The following EBF3 variants were observed in gnomAD, a reference collection of about 807,000 sequenced individuals.
The protein encoded by EBF3 is EBF transcription factor 3.
EBF3 carries 18 observed loss-of-function variants against 77.1 expected under a neutral mutation model. That is an observed-to-expected ratio of 0.23 (90% confidence interval 0.16 to 0.35). The LOEUF (loss-of-function observed/expected upper bound fraction) is 0.35. Ranked by LOEUF, EBF3 falls within the 10% of genes least tolerant of loss-of-function variation. The pLI is 1.00. For synonymous variants in EBF3, 350 were observed against 343.5 expected (o/e 1.02, Z -0.21); for missense variants, 558 against 860.0 (o/e 0.65, Z 4.39).
Position 129,942,875 on chromosome 10 carries a change from T to A in EBF3, c.554+14383A>T, listed in dbSNP as rs561519163. Among the ~76,000 whole-genome samples the A allele has an allele frequency of 9.8e-5, 15 of 152,324 alleles. No homozygotes were observed. The South Asian group carries it at 3.1e-3, about 32-fold the overall frequency. On this transcript the variant is annotated intron_variant, in intron 6 of 16. Coordinates refer to ENST00000440978, the MANE Select transcript of EBF3 (RefSeq NM_001375380.1). ...GGGTGGGAGGGACAGAAATTTTCTG[T>A]GCAGAACGCTCAGGTACAGGCGTTT...
At chr10:129,916,643 A>G (rs1855901673) in intron 6 of EBF3, among the ~76,000 whole-genome samples, 1 of 152,230 alleles carries the variant, frequency 6.6e-6, no homozygotes, top group South Asian at 2.1e-4. Context: ...CAGCAGGGCC[A>G]GCGAGAGGCT....
intron 10 of EBF3, among the ~76,000 whole-genome samples, chr10:129,865,552 G>A (rs116623161): frequency 5.1e-4 from 77 of 152,294 alleles, no homozygotes; most frequent in African/African-American, 1.8e-3. Context: ...TGTGGGGCAG[G>A]CACTGCCTCT....
chr10:129,918,814 T>C (rs182628943), intron 6 of EBF3, among the ~76,000 whole-genome samples: 11 of 152,356 alleles, frequency 7.2e-5, no homozygotes, highest in African/African-American at 2.6e-4. Flanking sequence ...GACTCTTGGT[T>C]TACTCATAGT....
At position 129,842,781 on chromosome 10, in the gene EBF3, A is replaced by G. The variant is rs1850175731; in HGVS notation, c.1194+356T>C. 6.7e-6 allele frequency among the ~76,000 whole-genome samples: 1 copy of G among 148,730 alleles called. No homozygotes were observed. Among genetic ancestry groups the G allele is most frequent in the South Asian group, 2.2e-4 (1 of 4,648 alleles). On this transcript the variant is annotated intron_variant, in intron 12 of 16. Coordinates refer to ENST00000440978, the MANE Select transcript of EBF3 (RefSeq NM_001375380.1). This position sits in a 1 kb window ranked among gnomAD's most constrained non-coding sequence, Gnocchi z 4.4. ...CCTGTCTAAAAAAAAAAAAAAAAAA[A>G]GGGAGCAACATTTGCTGTGTTCTGT...
intron 6 of EBF3, among the ~76,000 whole-genome samples, chr10:129,911,396 A>T (rs772272495): frequency 1.3e-5 from 2 of 151,920 alleles, no homozygotes; most frequent in Non-Finnish European, 2.9e-5. Flanking sequence ...TTCTCTCTAG[A>T]CCCTGTCCTG....
At position 129,963,215 on chromosome 10, in the gene EBF3, C is replaced by T; in HGVS notation, c.291+152G>A. On this transcript the variant is annotated intron_variant, in intron 2 of 16. Coordinates refer to ENST00000440978, the MANE Select transcript of EBF3 (RefSeq NM_001375380.1). The surrounding 1 kb of genome is among the most constrained non-coding windows in gnomAD (Gnocchi z 7.1). ...GGGCGCAGAGAAGTTGCCCAGCCCT[C>T]GGCGGTCCCGGGCGGCCGCACGTGG... The T allele has an allele frequency of 1.6e-6, 2 of 1,230,782 alleles. No individual in the cohort carries two copies. Among genetic ancestry groups the T allele is most frequent in the Non-Finnish European group, 2.2e-6 (2 of 927,772 alleles). 76.2% of individuals were successfully genotyped at this position (1,230,782 alleles called of 1,614,324 possible). A position where few individuals can be genotyped will look rare whatever the true frequency, so the allele number is the denominator to read the frequency against.
chr10:129,867,277 C>G lies in EBF3; in HGVS notation c.913-10G>C, dbSNP rs1852088696. 6.2e-7 allele frequency: 1 copy of G among 1,613,936 alleles called. No homozygotes were observed. The highest frequency in any genetic ancestry group is 2.2e-5 in the East Asian group (1 of 44,860). ...CATGGGGAGTTATCAGCTACAAAAA[C>G]CACACGGTGAACAGGCGCTCAGCGG... On this transcript the variant is annotated splice_polypyrimidine_tract_variant and intron_variant, in intron 9 of 16. Coordinates refer to ENST00000440978, the MANE Select transcript of EBF3 (RefSeq NM_001375380.1).
In EBF3 at chr10:129,904,293, C is replaced by T. The variant is rs188655880; in HGVS notation, c.555-26444G>A. 2.4e-3 allele frequency among the ~76,000 whole-genome samples: 366 copies of T among 152,286 alleles called. 3 individuals carry two copies. Among genetic ancestry groups the T allele is most frequent in the African/African-American group, 8.3e-3 (343 of 41,542 alleles). ...AACTGTTAGCTTGCTACAGCATCACCCCAGAGTCATCATTCCCCAACACAT... is the reference window on the plus strand; with the variant it reads ...AACTGTTAGCTTGCTACAGCATCACTCCAGAGTCATCATTCCCCAACACAT... On this transcript the variant is annotated intron_variant, in intron 6 of 16. Coordinates refer to ENST00000440978, the MANE Select transcript of EBF3 (RefSeq NM_001375380.1).
chr10:129,853,338 A>G (rs977071658), intron 10 of EBF3, among the ~76,000 whole-genome samples: 2 of 152,220 alleles, frequency 1.3e-5, no homozygotes, highest in Admixed American at 6.5e-5. Context: ...CCTGACTCCA[A>G]CAATAAAAAC....
chr10:129,939,429 A>G (rs1009202297), intron 6 of EBF3, among the ~76,000 whole-genome samples: 8 of 152,206 alleles, frequency 5.3e-5, no homozygotes, highest in African/African-American at 1.9e-4. Context: ...AAAAGTTCCC[A>G]CTGCCATCAG....
chr10:129,906,325 C>T (rs1365284271), intron 6 of EBF3, among the ~76,000 whole-genome samples: 2 of 152,182 alleles, frequency 1.3e-5, no homozygotes, highest in Non-Finnish European at 2.9e-5. Flanking sequence ...GCAACATGTT[C>T]GTCTCCCACA....
chr10:129,933,690 C>T (rs545272466), intron 6 of EBF3, among the ~76,000 whole-genome samples: 2 of 152,320 alleles, frequency 1.3e-5, no homozygotes, highest in South Asian at 4.1e-4. Context: ...CACTCGATGT[C>T]CTCTATTCCT....
intron 6 of EBF3, among the ~76,000 whole-genome samples, chr10:129,914,226 T>C (rs1263360098): frequency 6.6e-6 from 1 of 152,166 alleles, no homozygotes; most frequent in Non-Finnish European, 1.5e-5. Context: ...ACATCCAGCT[T>C]TGAAGACCGA....
intron 6 of EBF3, among the ~76,000 whole-genome samples, chr10:129,937,062 G>C (rs970476734): frequency 1.4e-4 from 22 of 152,116 alleles, no homozygotes; most frequent in African/African-American, 5.3e-4. Context: ...AGCTTCATTC[G>C]GGCCCCAAGG....
intron 6 of EBF3, among the ~76,000 whole-genome samples, chr10:129,914,858 A>G (rs1489221589): frequency 6.6e-6 from 1 of 152,174 alleles, no homozygotes; most frequent in Non-Finnish European, 1.5e-5. Context: ...AGTGAGCAAT[A>G]AAAGACCCTC....
At position 129,930,930 on chromosome 10, in the gene EBF3, A is replaced by G. The variant is rs1245795692; in HGVS notation, c.554+26328T>C. On this transcript the variant is annotated intron_variant, in intron 6 of 16. Transcript: ENST00000440978. ...CTCTATATTAACAAATCCCCCTCTC[A>G]TATATCTATATCTATCTTTATATTA... is the stretch of plus-strand genomic sequence containing the variant. 2.1e-5 allele frequency among the ~76,000 whole-genome samples: 3 copies of G among 142,628 alleles called. No individual in the cohort carries two copies. The Admixed American group carries it at 2.2e-4, about 10-fold the overall frequency. The allele number at this position is 142,628 out of a possible 152,430, so 93.6% of individuals were successfully genotyped here.
intron 6 of EBF3, among the ~76,000 whole-genome samples, chr10:129,946,014 C>CA (rs551660356): frequency 0.02 from 2,116 of 104,806 alleles, 46 homozygotes; most frequent in East Asian, 0.13. Flanking sequence ...TATTTCCTTC[C>CA]AAAAAAAAAA....
intron 10 of EBF3, among the ~76,000 whole-genome samples, chr10:129,854,951 C>A (rs536599152): frequency 2.6e-5 from 4 of 152,224 alleles, no homozygotes; most frequent in Non-Finnish European, 2.9e-5. Flanking sequence ...CCTCCTCCTA[C>A]ACCCAGAGGC....
chr10:129,841,975 C>T lies in EBF3; in HGVS notation c.1372+141G>A. 1 of 1,131,228 alleles carries T rather than the reference C, an allele frequency of 8.8e-7. No individual in the cohort carries two copies. Among genetic ancestry groups the T allele is most frequent in the East Asian group, 2.6e-5 (1 of 37,968 alleles). The allele number at this position is 1,131,228 out of a possible 1,614,324, so 70.1% of individuals were successfully genotyped here. A position where few individuals can be genotyped will look rare whatever the true frequency, so the allele number is the denominator to read the frequency against. On this transcript the variant is annotated intron_variant, in intron 13 of 16. Coordinates refer to ENST00000440978, the MANE Select transcript of EBF3 (RefSeq NM_001375380.1). The surrounding 1 kb of genome is among the most constrained non-coding windows in gnomAD (Gnocchi z 4.6). ...GGACCTGCAGCAAGGTCTTCCTGAG[C>T]AAAGGAACCAGCAGAGCCAGAGAGA...
Sources: allele counts gnomAD v4.1 joint callset (sites outside exome capture counted in the v4.1 genomes callset), GRCh38; gene constraint gnomAD v4.1.1; non-coding constraint Gnocchi (gnomAD v3.1); transcripts MANE v1.5; gene names NCBI Gene and HGNC (gene_info 2026-07-23, HGNC 2026-07-21).